DOCK3: variants seen among roughly 807,000 people sequenced by gnomAD.
The protein encoded by DOCK3 is dedicator of cytokinesis protein 3.
In DOCK3, 60 loss-of-function variants were observed where a neutral mutation model predicts 265.6. That is an observed-to-expected ratio of 0.23 (90% CI 0.18 to 0.28). DOCK3 has a LOEUF of 0.28. Among genes scored for constraint, DOCK3 ranks in the 10% least tolerant of loss-of-function variants. The pLI, the probability that DOCK3 is intolerant of heterozygous loss-of-function variation, is 1.00. For synonymous variants in DOCK3, 881 were observed against 938.0 expected (o/e 0.94, Z 1.11); for missense variants, 1,981 against 2,594.3 (o/e 0.76, Z 5.14).
chr3:50,971,203 T>G (rs913779076), intron 5 of DOCK3, among the ~76,000 whole-genome samples: 2 of 151,640 alleles, frequency 1.3e-5, no homozygotes, highest in African/African-American at 4.8e-5. Context: ...GTTAGTATGA[T>G]CTATTGCTGA....
intron 52 of DOCK3, among the ~76,000 whole-genome samples, 197 bp from the exon 53 acceptor site, chr3:51,380,853 A>G (rs1366293688): frequency 6.6e-6 from 1 of 152,196 alleles, no homozygotes; most frequent in Non-Finnish European, 1.5e-5. Flanking sequence ...TTTTGGCCAC[A>G]GAAATGCAGA....
chr3:50,999,515 C>T (rs1391589694), intron 5 of DOCK3, among the ~76,000 whole-genome samples: 1 of 152,184 alleles, frequency 6.6e-6, no homozygotes, highest in Non-Finnish European at 1.5e-5. Flanking sequence ...CCAGACCTCT[C>T]CTTATACCCT....
At chr3:50,702,068 A>G (rs1349985743) in intron 1 of DOCK3, among the ~76,000 whole-genome samples, 1 of 152,204 alleles carries the variant, frequency 6.6e-6, no homozygotes, top group Admixed American at 6.5e-5. Flanking sequence ...GTGGTTCCAT[A>G]CAAATTTTAG....
chr3:51,371,620 G>T (rs2087686081), intron 49 of DOCK3, among the ~76,000 whole-genome samples: 1 of 152,222 alleles, frequency 6.6e-6, no homozygotes, highest in Non-Finnish European at 1.5e-5. Flanking sequence ...GTTTGTGTTT[G>T]GTATTACCAG....
intron 1 of DOCK3, among the ~76,000 whole-genome samples, chr3:50,723,971 A>C (rs1347287277): frequency 6.6e-6 from 1 of 152,226 alleles, no homozygotes; most frequent in East Asian, 1.9e-4. Flanking sequence ...TAATATCCAG[A>C]ATCTACAAAG....
At chr3:50,989,416 TG>T (rs2078024589) in intron 5 of DOCK3, among the ~76,000 whole-genome samples, 1 of 152,108 alleles carries the variant, frequency 6.6e-6, no homozygotes, top group African/African-American at 2.4e-5. Context: ...TTTACAGCAT[TG>T]AGCGGGAACA....
intron 34 of DOCK3, 44 bp downstream of exon 34, chr3:51,333,071 C>T (rs1487112231): frequency 1.2e-6 from 2 of 1,613,936 alleles, no homozygotes; most frequent in Admixed American, 3.3e-5. Context: ...AGATCCATCA[C>T]AGCCTCCATG....
chr3:50,676,651 T>C (rs1006158366), intron 1 of DOCK3, among the ~76,000 whole-genome samples: 5 of 131,900 alleles, frequency 3.8e-5, no homozygotes, highest in Non-Finnish European at 6.2e-5. Context: ...ATGTGAGTGG[T>C]CAACTCTCCA....
intron 47 of DOCK3, among the ~76,000 whole-genome samples, 155 bp downstream of exon 47, chr3:51,360,787 A>G (rs1383010442): frequency 6.6e-6 from 1 of 152,232 alleles, no homozygotes; most frequent in Non-Finnish European, 1.5e-5. Flanking sequence ...CACACCCTGC[A>G]TTCAGTCAGT....
chr3:50,885,634 A>T (rs1343071906), intron 3 of DOCK3, among the ~76,000 whole-genome samples: 1 of 152,024 alleles, frequency 6.6e-6, no homozygotes, highest in Non-Finnish European at 1.5e-5. Flanking sequence ...AGGCTGACGG[A>T]GGGAGTCCTA....
chr3:51,082,162 CAG>C (rs370917949), intron 7 of DOCK3, among the ~76,000 whole-genome samples: 1 of 151,944 alleles, frequency 6.6e-6, no homozygotes, highest in African/African-American at 2.4e-5. Flanking sequence ...GGCATTGTTC[CAG>C]AGAGAGAGTT....
rs923493214 is a variant in DOCK3, at chr3:51,250,309, A to AAAAAC, written c.2184+3523_2184+3527dup. 6.3e-3 allele frequency among the ~76,000 whole-genome samples: 949 copies of AAAAAC among 151,748 alleles called. 13 individuals are homozygous for AAAAAC. Among genetic ancestry groups the AAAAAC allele is most frequent in the African/African-American group, 0.022 (910 of 41,302 alleles). ...AAATTAAAAAAAATAATAAAAAATA[A>AAAAAC]AAAACAAAACAAAACAAAACAAAAC... On this transcript the variant is annotated intron_variant, in intron 22 of 52. Coordinates refer to ENST00000266037, the MANE Select transcript of DOCK3 (RefSeq NM_004947.5).
chr3:50,969,619 C>T (rs1201405133), intron 5 of DOCK3, among the ~76,000 whole-genome samples: 1 of 152,024 alleles, frequency 6.6e-6, no homozygotes, highest in African/African-American at 2.4e-5. Flanking sequence ...AAGTATCAAC[C>T]TTTTGTTTTC....
At chr3:51,042,154 C>T (rs1333707219) in intron 5 of DOCK3, among the ~76,000 whole-genome samples, 1 of 152,174 alleles carries the variant, frequency 6.6e-6, no homozygotes, top group African/African-American at 2.4e-5. Flanking sequence ...AGGCCAATAT[C>T]GTTAATGAAT....
chr3:50,841,738 CT>C, intron 3 of DOCK3, 23 bp downstream of exon 3: 1 of 536,462 alleles, frequency 1.9e-6, no homozygotes, highest in Admixed American at 2.9e-5. Context: ...TTATTGTTAC[CT>C]TTTCTAATGT....
At position 51,301,443 on chromosome 3, in the gene DOCK3, T is replaced by A. The variant is rs945453996; in HGVS notation, c.2923-8789T>A. On this transcript the variant is annotated intron_variant, in intron 27 of 52. Transcript: ENST00000266037. ...CTCATCTTGGATATTTCCTGTCTTC[T>A]GCTAGCTTTTGGGTTTGTTTGCTCT... is the stretch of plus-strand genomic sequence containing the variant. Among the ~76,000 whole-genome samples the A allele has an allele frequency of 1.3e-5, 2 of 152,222 alleles. 1 individual carries two copies. The highest frequency in any genetic ancestry group is 4.1e-4 in the South Asian group (2 of 4,826).
intron 5 of DOCK3, among the ~76,000 whole-genome samples, chr3:51,003,180 A>G (rs2078547528): frequency 6.6e-6 from 1 of 152,206 alleles, no homozygotes; most frequent in Non-Finnish European, 1.5e-5. Flanking sequence ...TAAGGGGAAA[A>G]GAAGATGAGA....
intron 3 of DOCK3, among the ~76,000 whole-genome samples, chr3:50,849,853 G>A (rs2046278205): frequency 6.6e-6 from 1 of 152,088 alleles, no homozygotes; most frequent in African/African-American, 2.4e-5. Context: ...GGAGTCCGAG[G>A]TGGTGGGATC....
chr3:50,747,335 G>A (rs2039511245), intron 1 of DOCK3, among the ~76,000 whole-genome samples: 1 of 152,122 alleles, frequency 6.6e-6, no homozygotes, highest in South Asian at 2.1e-4. Flanking sequence ...AAATCAATTT[G>A]TCTATTTCTA....
Sources: allele counts gnomAD v4.1 joint callset (sites outside exome capture counted in the v4.1 genomes callset), GRCh38; gene constraint gnomAD v4.1.1; transcripts MANE v1.5; gene names NCBI Gene and HGNC (gene_info 2026-07-23, HGNC 2026-07-21).